The following DDX31 variants were observed in gnomAD, a reference collection of about 807,000 sequenced individuals.
DDX31 encodes the protein ATP-dependent DNA helicase DDX31.
In DDX31, 70 loss-of-function variants were observed where a neutral mutation model predicts 91.3. The observed-to-expected ratio is 0.77, with a 90% CI of 0.63 to 0.94. DDX31 has a LOEUF of 0.94. DDX31 is among the 40% of genes least tolerant of loss of function. The pLI is 0.00. For missense variants in DDX31, 902 were observed against 925.0 expected, an observed-to-expected ratio of 0.98 and a Z score of 0.32; for synonymous variants, 362 against 350.6, an observed-to-expected ratio of 1.03 and a Z score of -0.36.
intron 15 of DDX31, 30 bp from the exon 16 acceptor site, chr9:132,630,433 CATA>C: frequency 6.4e-7 from 1 of 1,569,500 alleles, no homozygotes; most frequent in Non-Finnish European, 8.7e-7. Flanking sequence ...TGAAGGCATT[CATA>C]GATCAAGGGA....
intron 10 of DDX31, 35 bp downstream of exon 10, chr9:132,648,397 T>TAG: frequency 6.2e-7 from 1 of 1,609,780 alleles, no homozygotes; most frequent in Non-Finnish European, 8.5e-7. Flanking sequence ...ACAGCCCTTC[T>TAG]CTTCTACCTG....
At chr9:132,619,736 C>A (rs922579450) in intron 17 of DDX31, among the ~76,000 whole-genome samples, 1 of 151,992 alleles carries the variant, frequency 6.6e-6, no homozygotes, top group African/African-American at 2.4e-5. Flanking sequence ...ACTCAGGAGC[C>A]GTGTTACCAA....
rs1019929156 is a variant in DDX31 at position 132,595,292 on chromosome 9, C to T, written c.1995-180G>A. On this transcript the variant is annotated intron_variant, in intron 19 of 19. Coordinates refer to ENST00000372159, the MANE Select transcript of DDX31 (RefSeq NM_022779.9). This position sits in a 1 kb window ranked among gnomAD's most constrained non-coding sequence, Gnocchi z 4.6. Reference sequence around the variant, plus strand: ...CGATGCACCAGAAGATTAGATACGGCGCTGACAGATTTTCATAACAGCGGC... The same window carrying T: ...CGATGCACCAGAAGATTAGATACGGTGCTGACAGATTTTCATAACAGCGGC... Among the ~76,000 whole-genome samples the T allele has an allele frequency of 1.3e-5, 2 of 152,154 alleles. No homozygotes were observed. Among genetic ancestry groups the T allele is most frequent in the South Asian group, 2.1e-4 (1 of 4,828 alleles).
intron 18 of DDX31, among the ~76,000 whole-genome samples, chr9:132,616,043 C>G (rs184525201): frequency 4.6e-5 from 7 of 152,302 alleles, no homozygotes; most frequent in African/African-American, 1.7e-4. Flanking sequence ...GTGTCTCCAC[C>G]TATGGGGTGC....
At chr9:132,623,997 T>G (rs1833925447) in intron 17 of DDX31, among the ~76,000 whole-genome samples, 1 of 151,726 alleles carries the variant, frequency 6.6e-6, no homozygotes, top group African/African-American at 2.4e-5. Flanking sequence ...AAACCCTGTC[T>G]CTACTAAAAA....
chr9:132,643,457 G>A (rs1833624621), intron 13 of DDX31, among the ~76,000 whole-genome samples: 1 of 152,196 alleles, frequency 6.6e-6, no homozygotes, highest in Non-Finnish European at 1.5e-5. Context: ...GGTCTTTCCT[G>A]TGCGTAGATT....
At chr9:132,619,616 A>G (rs1831879658) in intron 17 of DDX31, among the ~76,000 whole-genome samples, 1 of 152,212 alleles carries the variant, frequency 6.6e-6, no homozygotes, top group Admixed American at 6.5e-5. Context: ...TTTTTAGTTT[A>G]GTCAAATCAT....
chr9:132,638,633 A>G (rs1833277046), intron 14 of DDX31, among the ~76,000 whole-genome samples: 1 of 152,190 alleles, frequency 6.6e-6, no homozygotes, highest in African/African-American at 2.4e-5. Context: ...ATCTTACCAT[A>G]GCCACACCTT....
At chr9:132,663,551 G>A (rs1346265893) in intron 1 of DDX31, 2 of 983,356 alleles carry the variant, frequency 2.0e-6, no homozygotes, top group Non-Finnish European at 2.4e-6. Flanking sequence ...ATTTTCTTTG[G>A]CCTTCTTTTC....
chr9:132,648,497 A>G lies in DDX31; in HGVS notation c.795T>C (p.His265=), dbSNP rs752805532. The change falls in exon 10 of 20, where the codon CAT becomes CAC. Residue 265 remains histidine (H), a synonymous_variant. Coordinates refer to ENST00000372159, the MANE Select transcript of DDX31 (RefSeq NM_022779.9). ...AATGAATGTTCTTTGTGGATTTTAT[A>G]TGATCCACCAGGCGTCCAGGAGTTG... ...LISTPGRLVD[H]IKSTKNIHFS... 2.5e-6 allele frequency: 4 copies of G among 1,614,062 alleles called. No homozygotes were observed. The highest frequency in any genetic ancestry group is 1.7e-5 in the Admixed American group (1 of 60,004).
At position 132,595,926 on chromosome 9, in the gene DDX31, G is replaced by A. The variant is rs1830415490; in HGVS notation, c.1995-814C>T. Reference sequence around the variant, plus strand: ...AGATCAGAGGAGGAAATTTGTAGATGTTCAATCATACATAAGAAGAATGAT... The same window carrying A: ...AGATCAGAGGAGGAAATTTGTAGATATTCAATCATACATAAGAAGAATGAT... On this transcript the variant is annotated intron_variant, in intron 19 of 19. Transcript: ENST00000372159. This position sits in a 1 kb window ranked among gnomAD's most constrained non-coding sequence, Gnocchi z 4.6. 1.3e-5 allele frequency among the ~76,000 whole-genome samples: 2 copies of A among 152,322 alleles called. No homozygotes were observed. Among genetic ancestry groups the A allele is most frequent in the South Asian group, 4.1e-4 (2 of 4,824 alleles).
At chr9:132,599,762 T>C (rs1306645806) in intron 19 of DDX31, among the ~76,000 whole-genome samples, 2 of 152,214 alleles carry the variant, frequency 1.3e-5, no homozygotes, top group Non-Finnish European at 2.9e-5. Flanking sequence ...TGAGGACTAG[T>C]CAAGTGCACT....
chr9:132,651,510 T>C (rs1453295055), intron 7 of DDX31, among the ~76,000 whole-genome samples: 1 of 152,110 alleles, frequency 6.6e-6, no homozygotes, highest in Non-Finnish European at 1.5e-5. Context: ...TAAACCACAA[T>C]AGTGACGCAA....
At chr9:132,647,123 T>C (rs1833891686) in intron 11 of DDX31, 65 bp from the exon 12 acceptor site, 6 of 1,451,296 alleles carry the variant, frequency 4.1e-6, no homozygotes, top group Non-Finnish European at 5.8e-6. Flanking sequence ...CACAAAAGCG[T>C]ACCCCCATAC....
intron 6 of DDX31, among the ~76,000 whole-genome samples, chr9:132,654,312 T>A (rs1395087990): frequency 6.6e-6 from 1 of 152,122 alleles, no homozygotes; most frequent in African/African-American, 2.4e-5. Flanking sequence ...ATTCAATCTT[T>A]AAAAAAAGAC....
intron 14 of DDX31, chr9:132,638,012 C>CAGA: frequency 8.8e-7 from 1 of 1,135,850 alleles, no homozygotes; most frequent in Non-Finnish European, 1.1e-6. Context: ...CAGTATGCTT[C>CAGA]AAGCGGAAAA....
At chr9:132,642,592 T>A (rs982728995) in intron 13 of DDX31, among the ~76,000 whole-genome samples, 4 of 152,032 alleles carry the variant, frequency 2.6e-5, no homozygotes, top group Admixed American at 2.6e-4. Context: ...CACCTTGACG[T>A]TTCCCGAGTC....
chr9:132,646,142 TA>T (rs2130765267), intron 12 of DDX31, 71 bp from the exon 13 acceptor site: 1 of 1,492,888 alleles, frequency 6.7e-7, no homozygotes, highest in Non-Finnish European at 9.1e-7. Flanking sequence ...AATATTTCTC[TA>T]AACTATACAG....
At chr9:132,626,494 A>AAG (rs1228050599) in intron 16 of DDX31, among the ~76,000 whole-genome samples, 1 of 152,212 alleles carries the variant, frequency 6.6e-6, no homozygotes, top group Non-Finnish European at 1.5e-5. Context: ...GTAGGGAGCA[A>AAG]AGAGAGACTT....
Sources: allele counts gnomAD v4.1 joint callset (sites outside exome capture counted in the v4.1 genomes callset), GRCh38; gene constraint gnomAD v4.1.1; non-coding constraint Gnocchi (gnomAD v3.1); transcripts MANE v1.5; gene names NCBI Gene and HGNC (gene_info 2026-07-23, HGNC 2026-07-21).